CSPP1: variants seen among roughly 807,000 people sequenced by gnomAD.
The protein encoded by CSPP1 is centrosome and spindle pole associated protein 1.
In CSPP1, 126 loss-of-function variants were observed where a neutral mutation model predicts 164.4. The ratio of observed to expected loss-of-function variants is 0.77; its 90% CI spans 0.66 to 0.89. CSPP1 has a LOEUF of 0.89. Ranked by LOEUF, CSPP1 falls within the 40% of genes least tolerant of loss-of-function variation. The probability of loss-of-function intolerance (pLI) is 0.00; values close to 1 mark genes in which losing one functional copy is unlikely to be tolerated. For synonymous variants in CSPP1, 472 were observed against 476.7 expected (o/e 0.99, Z 0.13); for missense variants, 1,395 against 1,449.8 (o/e 0.96, Z 0.61).
At chr8:67,077,448 G>A (rs1329225743) in intron 3 of CSPP1, among the ~76,000 whole-genome samples, 1 of 151,986 alleles carries the variant, frequency 6.6e-6, no homozygotes, top group East Asian at 1.9e-4. Context: ...CGATTCTCCT[G>A]TCTCAGTCTC....
chr8:67,147,462 C>T (rs1824817362), intron 17 of CSPP1, among the ~76,000 whole-genome samples: 1 of 152,132 alleles, frequency 6.6e-6, no homozygotes, highest in African/African-American at 2.4e-5. Flanking sequence ...ATATAAAACA[C>T]ATTCAAAAAG....
At chr8:67,102,046 A>T (rs1230251543) in intron 7 of CSPP1, among the ~76,000 whole-genome samples, 1 of 152,220 alleles carries the variant, frequency 6.6e-6, no homozygotes, top group Non-Finnish European at 1.5e-5. Flanking sequence ...TGGAAAAAAG[A>T]TTGATTGAAA....
chr8:67,075,470 T>C lies in CSPP1; in HGVS notation c.100-1012T>C, dbSNP rs141745669. ...ATTTTACTCACATGGCTAACATTTA[T>C]TGAGTACTAGCTATGGACAAGGCAT... On this transcript the variant is annotated intron_variant, in intron 2 of 30. Coordinates refer to ENST00000678616, the MANE Select transcript of CSPP1 (RefSeq NM_001382391.1). Among the ~76,000 whole-genome samples the C allele has an allele frequency of 7.5e-4, 114 of 152,324 alleles. 1 individual carries two copies. Among genetic ancestry groups the C allele is most frequent in the African/African-American group, 2.6e-3 (107 of 41,574 alleles).
At chr8:67,155,870 G>A (rs1317331196) in intron 19 of CSPP1, among the ~76,000 whole-genome samples, 2 of 152,194 alleles carry the variant, frequency 1.3e-5, no homozygotes, top group African/African-American at 4.8e-5. Flanking sequence ...GTGGGTGACA[G>A]TGGAAATGGG....
At position 67,078,496 on chromosome 8, in the gene CSPP1, C is replaced by T. The variant is rs117703431; in HGVS notation, c.199+1915C>T. Among the ~76,000 whole-genome samples the T allele has an allele frequency of 4.0e-3, 607 of 152,144 alleles. 4 individuals are homozygous for T. The highest frequency in any genetic ancestry group is 6.6e-3 in the Non-Finnish European group (450 of 67,982). ...AGTAGCTGAGACCACAGGTGAGCAC[C>T]ACCATGCTGGCTAACTTTTTTTTAT... On this transcript the variant is annotated intron_variant, in intron 3 of 30. Transcript: ENST00000678616.
intron 3 of CSPP1, among the ~76,000 whole-genome samples, chr8:67,079,593 C>A (rs1384847411): frequency 6.6e-6 from 1 of 152,190 alleles, no homozygotes; most frequent in Non-Finnish European, 1.5e-5. Context: ...TGTATCAAAT[C>A]TCTATGTTTT....
intron 1 of CSPP1, among the ~76,000 whole-genome samples, chr8:67,066,788 G>T (rs1805656027): frequency 6.6e-6 from 1 of 151,712 alleles, no homozygotes; most frequent in African/African-American, 2.4e-5. Context: ...TTTTTTGTTT[G>T]TTTGTTTGTT....
rs1327962675 is a variant in CSPP1, at chr8:67,095,583, A to G, written c.774A>G (p.Arg258=). 1.2e-6 allele frequency: 2 copies of G among 1,613,912 alleles called. No homozygotes were observed. Among genetic ancestry groups the G allele is most frequent in the African/African-American group, 1.3e-5 (1 of 74,920 alleles). The change falls in exon 7 of 31, where the codon AGA becomes AGG. Residue 258 remains arginine (R), a synonymous_variant. Coordinates refer to ENST00000678616, the MANE Select transcript of CSPP1 (RefSeq NM_001382391.1). ...CAAGCAAGGCTGGCATTCCAGATAG[A>G]AGATTTCACAGATTTAATGAGGATC... ...RFASKAGIPD[R]RFHRFNEDRV...
At chr8:67,164,247 G>A (rs1828899042) in intron 23 of CSPP1, 144 bp from the exon 24 acceptor site, 2 of 574,596 alleles carry the variant, frequency 3.5e-6, no homozygotes, top group African/African-American at 1.9e-5. Context: ...CCATGTATGT[G>A]TGTATATATA....
intron 27 of CSPP1, among the ~76,000 whole-genome samples, chr8:67,178,669 A>T (rs181686809): frequency 1.3e-5 from 2 of 152,146 alleles, no homozygotes; most frequent in African/African-American, 4.8e-5. Flanking sequence ...GGAGGTGTCT[A>T]TGGGAAATGT....
At chr8:67,082,606 G>A (rs1031046288) in intron 3 of CSPP1, among the ~76,000 whole-genome samples, 1 of 151,950 alleles carries the variant, frequency 6.6e-6, no homozygotes, top group Non-Finnish European at 1.5e-5. Flanking sequence ...CTTTTTCATG[G>A]TAGTATAATA....
intron 9 of CSPP1, among the ~76,000 whole-genome samples, chr8:67,109,722 C>T (rs962466597): frequency 9.9e-5 from 15 of 152,130 alleles, no homozygotes; most frequent in African/African-American, 2.9e-4. Flanking sequence ...TTCTTTGTCC[C>T]ATATCCGAGA....
intron 4 of CSPP1, among the ~76,000 whole-genome samples, chr8:67,088,637 C>G (rs1239032992): frequency 6.6e-6 from 1 of 150,962 alleles, no homozygotes; most frequent in African/African-American, 2.4e-5. Flanking sequence ...CGGCTGACGC[C>G]TGTAATCCCA....
intron 3 of CSPP1, among the ~76,000 whole-genome samples, chr8:67,082,809 G>A (rs914307958): frequency 1.3e-5 from 2 of 151,844 alleles, no homozygotes; most frequent in Non-Finnish European, 2.9e-5. Context: ...ACTATCTTAG[G>A]GTCATTGATG....
chr8:67,080,044 C>A (rs971384513), intron 3 of CSPP1, among the ~76,000 whole-genome samples: 1 of 152,204 alleles, frequency 6.6e-6, no homozygotes, highest in African/African-American at 2.4e-5. Context: ...TAATTTTATA[C>A]TGCATAAGCA....
intron 1 of CSPP1, chr8:67,065,570 T>G: frequency 1.1e-6 from 1 of 942,894 alleles, no homozygotes; most frequent in Non-Finnish European, 1.3e-6. Flanking sequence ...TTCTTCTCCC[T>G]AGGAGGTCGC....
At chr8:67,167,239 A>T (rs1417773673) in intron 24 of CSPP1, among the ~76,000 whole-genome samples, 1 of 152,212 alleles carries the variant, frequency 6.6e-6, no homozygotes, top group Non-Finnish European at 1.5e-5. Flanking sequence ...GCTGTTGGGT[A>T]CACCTCCCAG....
chr8:67,191,489 A>G lies in CSPP1; in HGVS notation c.3330+730A>G, dbSNP rs184928384. On this transcript the variant is annotated intron_variant, in intron 29 of 30. Transcript: ENST00000678616. ...ACCACCAGTCTACTTTGGTTTCTATAGATGTGCCTTTTCTGGACATTTCGT... is the reference window on the plus strand; with the variant it reads ...ACCACCAGTCTACTTTGGTTTCTATGGATGTGCCTTTTCTGGACATTTCGT... Among the ~76,000 whole-genome samples, 3 of 152,340 alleles carry G rather than the reference A, an allele frequency of 2.0e-5. No homozygotes were observed. In the East Asian group the frequency reaches 5.8e-4, roughly 29 times the overall value.
chr8:67,127,085 A>T (rs190973692), intron 15 of CSPP1, among the ~76,000 whole-genome samples: 1 of 152,240 alleles, frequency 6.6e-6, no homozygotes, highest in East Asian at 1.9e-4. Flanking sequence ...GATAGAGCTA[A>T]GGAGAAACTG....
Sources: allele counts gnomAD v4.1 joint callset (sites outside exome capture counted in the v4.1 genomes callset), GRCh38; gene constraint gnomAD v4.1.1; transcripts MANE v1.5; gene names NCBI Gene and HGNC (gene_info 2026-07-23, HGNC 2026-07-21).